The following EHBP1 variants were observed in gnomAD, a reference collection of about 807,000 sequenced individuals.
EHBP1 encodes EH domain-binding protein 1.
A neutral mutation model predicts 144.0 loss-of-function variants in EHBP1; 55 were observed. That is an observed-to-expected ratio of 0.38 (90% CI 0.31 to 0.48). EHBP1 has a LOEUF of 0.48. EHBP1 is among the 20% of genes least tolerant of loss of function. EHBP1 has a pLI of 0.98. For missense variants in EHBP1, 1,200 were observed against 1,364.2 expected, an observed-to-expected ratio of 0.88 and a Z score of 1.90; for synonymous variants, 469 against 472.7, an observed-to-expected ratio of 0.99 and a Z score of 0.10.
At chr2:62,898,833 T>G (rs2053162053) in intron 10 of EHBP1, among the ~76,000 whole-genome samples, 1 of 152,092 alleles carries the variant, frequency 6.6e-6, no homozygotes. Context: ...GGCTCGGCCT[T>G]TAATAGAGAA....
intron 15 of EHBP1, among the ~76,000 whole-genome samples, chr2:62,988,223 A>T (rs1415197590): frequency 6.6e-6 from 1 of 152,134 alleles, no homozygotes. Context: ...GGATGTTAAA[A>T]TTAGCAATAA....
At chr2:62,844,948 C>T (rs973321161) in intron 7 of EHBP1, among the ~76,000 whole-genome samples, 1 of 152,114 alleles carries the variant, frequency 6.6e-6, no homozygotes, top group East Asian at 1.9e-4. Flanking sequence ...CCTTTTTCAC[C>T]AGAGTCTTCA....
chr2:62,787,966 TGGAGTAGGATGGTTTCTTTACA>T (rs571225954), intron 5 of EHBP1, among the ~76,000 whole-genome samples: 2,724 of 152,340 alleles, frequency 0.018, 45 homozygotes, highest in Middle Eastern at 0.034. Flanking sequence ...TTTGGGGGAA[TGGAGTAGGATGGTTTCTTTACA>T]TCAAAATATG....
At chr2:62,771,248 T>TA in intron 4 of EHBP1, 91 bp from the exon 5 acceptor site, 1 of 850,692 alleles carries the variant, frequency 1.2e-6, no homozygotes, top group Non-Finnish European at 1.8e-6. Flanking sequence ...TAGTAAAAGC[T>TA]AAAAACAAGG....
At chr2:62,900,638 G>T (rs1411062142) in intron 10 of EHBP1, among the ~76,000 whole-genome samples, 1 of 149,346 alleles carries the variant, frequency 6.7e-6, no homozygotes, top group Non-Finnish European at 1.5e-5. Flanking sequence ...AAAAGAAAAA[G>T]GTTGGGAGGA....
intron 2 of EHBP1, among the ~76,000 whole-genome samples, chr2:62,738,108 A>G (rs2038336722): frequency 6.6e-6 from 1 of 151,864 alleles, no homozygotes; most frequent in Non-Finnish European, 1.5e-5. Context: ...ATGAAGTGGT[A>G]TTTTATTGTT....
At chr2:63,026,373 AAG>A (rs2060984952) in intron 19 of EHBP1, among the ~76,000 whole-genome samples, 1 of 147,394 alleles carries the variant, frequency 6.8e-6, no homozygotes, top group Non-Finnish European at 1.5e-5. Context: ...GAGAGAAAGA[AAG>A]AAACAATAAT....
chr2:62,994,160 TAA>T, intron 18 of EHBP1, 183 bp downstream of exon 18: 3 of 376,442 alleles, frequency 8.0e-6, no homozygotes, highest in South Asian at 1.3e-4. Flanking sequence ...AATTGTCAGA[TAA>T]AAAAAAATGA....
At chr2:62,782,039 C>T (rs1335220625) in intron 5 of EHBP1, among the ~76,000 whole-genome samples, 2 of 152,304 alleles carry the variant, frequency 1.3e-5, no homozygotes, top group Admixed American at 6.5e-5. Context: ...CAGAAAGCAG[C>T]TTAGCCTGGC....
At chr2:63,005,401 C>T (rs1308975840) in intron 19 of EHBP1, among the ~76,000 whole-genome samples, 1 of 152,028 alleles carries the variant, frequency 6.6e-6, no homozygotes, top group African/African-American at 2.4e-5. Context: ...GCAACAGCAC[C>T]GGCTGGCTTA....
At chr2:62,894,044 C>CAAA (rs146913575) in intron 10 of EHBP1, among the ~76,000 whole-genome samples, 4 of 96,170 alleles carry the variant, frequency 4.2e-5, no homozygotes, top group Non-Finnish European at 4.2e-5. Context: ...GACTCCGTCT[C>CAAA]AAAAAAAAAA....
intron 5 of EHBP1, chr2:62,771,871 G>T (rs2041690131): frequency 6.6e-6 from 1 of 152,212 alleles, no homozygotes; most frequent in African/African-American, 2.4e-5. Flanking sequence ...ACTTTGGGAG[G>T]CTGAGGTAGG....
chr2:62,789,226 A>G (rs961206708), intron 5 of EHBP1, among the ~76,000 whole-genome samples: 1 of 152,186 alleles, frequency 6.6e-6, no homozygotes, highest in African/African-American at 2.4e-5. Context: ...TTTGGAGGCA[A>G]AGGGTTCAGA....
At chr2:62,842,271 G>C (rs1274633404) in intron 7 of EHBP1, among the ~76,000 whole-genome samples, 2 of 152,132 alleles carry the variant, frequency 1.3e-5, no homozygotes, top group Non-Finnish European at 1.5e-5. Context: ...ATTTTTAGTA[G>C]AGATGGGGTT....
chr2:62,895,594 G>A (rs1386867255), intron 10 of EHBP1, among the ~76,000 whole-genome samples: 1 of 152,056 alleles, frequency 6.6e-6, no homozygotes, highest in Non-Finnish European at 1.5e-5. Context: ...GATACTATTT[G>A]ATAAAGGAAA....
intron 10 of EHBP1, among the ~76,000 whole-genome samples, chr2:62,899,726 A>G (rs1168343404): frequency 1.3e-5 from 2 of 152,212 alleles, no homozygotes; most frequent in Non-Finnish European, 2.9e-5. Context: ...GACATAGGAC[A>G]TTCTACCTTG....
Position 62,797,707 on chromosome 2 carries a change from A to C in EHBP1, c.312+26315A>C, listed in dbSNP as rs190045227. On this transcript the variant is annotated intron_variant, in intron 5 of 22. Transcript: ENST00000431489. ...ATCTATCTTTTTTAAAAAACAAAAA[A>C]CAAAAATACAAAACTGTAAATGAAA... Among the ~76,000 whole-genome samples the C allele has an allele frequency of 3.1e-4, 47 of 152,298 alleles. 1 individual carries two copies. The highest frequency in any genetic ancestry group is 1.1e-3 in the African/African-American group (45 of 41,560).
In EHBP1 at chr2:62,762,325, CT is replaced by C. The variant is rs1422471652; in HGVS notation, c.163-1938del. ...TTTCTCCGAGACTTAGTCTTTGGAG[CT>C]TTATATTCTTTATCTGTACTCACTC... On this transcript the variant is annotated intron_variant, in intron 3 of 22. Coordinates refer to ENST00000431489, the MANE Select transcript of EHBP1 (RefSeq NM_001142616.3). Among the ~76,000 whole-genome samples, 5 of 152,256 alleles carry C rather than the reference CT, an allele frequency of 3.3e-5. No individual in the cohort carries two copies. The East Asian group carries it at 5.8e-4, about 18-fold the overall frequency.
chr2:62,681,330 A>G (rs867537392), intron 1 of EHBP1, among the ~76,000 whole-genome samples: 1,404 of 105,456 alleles, frequency 0.013, 56 homozygotes, highest in African/African-American at 0.054. Flanking sequence ...ATTTGTATGT[A>G]TGTGTGTGTG....
Sources: gnomAD v4.1 joint callset for allele counts (sites outside exome capture counted in the v4.1 genomes callset) on GRCh38, gnomAD v4.1.1 for gene constraint, MANE v1.5 for transcripts, NCBI Gene and HGNC (gene_info 2026-07-23, HGNC 2026-07-21) for gene names.